The following GALNT13 variants were observed in gnomAD, a reference collection of about 807,000 sequenced individuals.
The protein encoded by GALNT13 is polypeptide N-acetylgalactosaminyltransferase 13.
GALNT13 carries 28 observed loss-of-function variants against 64.2 expected under a neutral mutation model. The observed-to-expected ratio is 0.44, with a 90% CI of 0.32 to 0.60. The LOEUF (loss-of-function observed/expected upper bound fraction) is 0.60. GALNT13 is among the 20% of genes least tolerant of loss of function. GALNT13 has a pLI of 0.05. For synonymous variants in GALNT13, 214 were observed against 224.6 expected (o/e 0.95, Z 0.42); for missense variants, 577 against 669.8 (o/e 0.86, Z 1.53).
chr2:153,916,309 G>T (rs144451175), intron 2 of GALNT13, among the ~76,000 whole-genome samples: 1 of 151,652 alleles, frequency 6.6e-6, no homozygotes, highest in Non-Finnish European at 1.5e-5. Flanking sequence ...GGTGTGTGGC[G>T]TTGTGCCTGG....
intron 8 of GALNT13, among the ~76,000 whole-genome samples, chr2:154,265,283 A>C (rs1217494435): frequency 6.6e-6 from 1 of 152,016 alleles, no homozygotes; most frequent in Non-Finnish European, 1.5e-5. Flanking sequence ...GTATCTAGTA[A>C]ATAAATGAAA....
chr2:154,345,721 T>C (rs923306189), intron 9 of GALNT13, among the ~76,000 whole-genome samples: 14 of 151,990 alleles, frequency 9.2e-5, no homozygotes, highest in African/African-American at 3.4e-4. Flanking sequence ...GAACTCCACC[T>C]AATTCTGGAT....
At chr2:153,350,521 T>C in the GALNT13 span, among the ~76,000 whole-genome samples, 1 of 151,882 alleles carries the variant, frequency 6.6e-6, no homozygotes, top group Non-Finnish European at 1.5e-5. Flanking sequence ...TAGCTGGGAC[T>C]ACAGGCATCC....
the GALNT13 span, among the ~76,000 whole-genome samples, chr2:153,207,390 G>A: frequency 6.6e-6 from 1 of 152,196 alleles, no homozygotes; most frequent in African/African-American, 2.4e-5. Context: ...CTTGTAGGAA[G>A]TGTTGTGTTC....
At chr2:153,337,297 C>T in the GALNT13 span, among the ~76,000 whole-genome samples, 6 of 152,298 alleles carry the variant, frequency 3.9e-5, no homozygotes, top group East Asian at 9.7e-4. Flanking sequence ...AGCAAATCTA[C>T]CATTGCTCAT....
the GALNT13 span, among the ~76,000 whole-genome samples, chr2:153,795,239 T>G: frequency 1.3e-5 from 2 of 152,216 alleles, no homozygotes; most frequent in Non-Finnish European, 2.9e-5. Flanking sequence ...TTCACATTAT[T>G]TAAAGCATTT....
chr2:153,535,074 GGC>G, the GALNT13 span, among the ~76,000 whole-genome samples: 1 of 151,086 alleles, frequency 6.6e-6, no homozygotes, highest in South Asian at 2.1e-4. Context: ...GGCTGCTTCA[GGC>G]GGGATTAGGG....
At position 153,972,982 on chromosome 2, in the gene GALNT13, A is replaced by G. The variant is rs144002599; in HGVS notation, c.142+28343A>G. The stretch of plus-strand genomic sequence containing the variant: ...CACAATCTTAGAATTCATGTAAGCT[A>G]TTTTCAAACTTCTGAAAATTCTCAA... On this transcript the variant is annotated intron_variant, in intron 3 of 12. Transcript: ENST00000392825. Among the ~76,000 whole-genome samples, 4 of 152,206 alleles carry G rather than the reference A, an allele frequency of 2.6e-5. No individual in the cohort carries two copies. In the East Asian group the frequency reaches 5.8e-4, roughly 22 times the overall value.
At chr2:154,308,035 T>C (rs1693835937) in intron 9 of GALNT13, among the ~76,000 whole-genome samples, 1 of 152,124 alleles carries the variant, frequency 6.6e-6, no homozygotes, top group Non-Finnish European at 1.5e-5. Context: ...GCAGCAGTTT[T>C]TATATAACAC....
At chr2:153,103,263 C>T in the GALNT13 span, among the ~76,000 whole-genome samples, 1 of 151,734 alleles carries the variant, frequency 6.6e-6, no homozygotes, top group Non-Finnish European at 1.5e-5. Flanking sequence ...TTCCCGCACA[C>T]TGTCCTTCTT....
the GALNT13 span, among the ~76,000 whole-genome samples, chr2:153,463,323 A>G: frequency 6.6e-6 from 1 of 152,108 alleles, no homozygotes; most frequent in Non-Finnish European, 1.5e-5. Flanking sequence ...TTTTTCTCAA[A>G]TTCAGGACAA....
chr2:153,507,395 C>G, the GALNT13 span, among the ~76,000 whole-genome samples: 3 of 152,156 alleles, frequency 2.0e-5, no homozygotes, highest in Non-Finnish European at 4.4e-5. Flanking sequence ...ATTCTCTTGC[C>G]TCAGCCTCCC....
At chr2:153,798,240 A>G in the GALNT13 span, among the ~76,000 whole-genome samples, 1 of 152,202 alleles carries the variant, frequency 6.6e-6, no homozygotes, top group Non-Finnish European at 1.5e-5. Context: ...CTGGATAAAT[A>G]GAAAATATTT....
chr2:153,227,682 ACATACT>A, the GALNT13 span, among the ~76,000 whole-genome samples: 11 of 152,198 alleles, frequency 7.2e-5, no homozygotes, highest in Non-Finnish European at 1.5e-4. Flanking sequence ...ATTTTAGATG[ACATACT>A]CATATTCTAA....
the GALNT13 span, among the ~76,000 whole-genome samples, chr2:153,387,318 C>T: frequency 6.6e-6 from 1 of 152,072 alleles, no homozygotes; most frequent in East Asian, 1.9e-4. Context: ...GAGTTCGCAG[C>T]AGGTCTAATA....
At chr2:153,600,508 G>A in the GALNT13 span, among the ~76,000 whole-genome samples, 1 of 151,934 alleles carries the variant, frequency 6.6e-6, no homozygotes, top group Non-Finnish European at 1.5e-5. Flanking sequence ...GCCAGACTGA[G>A]AGAGGGCATG....
the GALNT13 span, among the ~76,000 whole-genome samples, chr2:153,185,819 G>C: frequency 7.9e-5 from 12 of 152,200 alleles, no homozygotes; most frequent in African/African-American, 2.9e-4. Flanking sequence ...TGTGGTCTGA[G>C]AGGCTGTTTG....
At chr2:153,627,475 A>G in the GALNT13 span, among the ~76,000 whole-genome samples, 2 of 152,124 alleles carry the variant, frequency 1.3e-5, no homozygotes, top group Non-Finnish European at 2.9e-5. Context: ...TAGACTTGAC[A>G]TGATTTATTT....
chr2:153,529,695 ACAT>A, the GALNT13 span, among the ~76,000 whole-genome samples: 3 of 152,074 alleles, frequency 2.0e-5, no homozygotes, highest in East Asian at 3.8e-4. Context: ...TATGTGGAAA[ACAT>A]CATCATCACG....
Sources: allele counts gnomAD v4.1 joint callset (sites outside exome capture counted in the v4.1 genomes callset), GRCh38; gene constraint gnomAD v4.1.1; transcripts MANE v1.5; gene names NCBI Gene and HGNC (gene_info 2026-07-23, HGNC 2026-07-21).